FGF12: variants seen among roughly 807,000 people sequenced by gnomAD.
FGF12 encodes fibroblast growth factor 12.
In FGF12, 14 loss-of-function variants were observed where a neutral mutation model predicts 23.6. That is an observed-to-expected ratio of 0.59 (90% CI 0.39 to 0.93). FGF12 has a LOEUF of 0.93. FGF12 is among the 40% of genes least tolerant of loss of function. The probability of loss-of-function intolerance (pLI) is 0.00; values close to 1 mark genes in which losing one functional copy is unlikely to be tolerated. For missense variants in FGF12, 175 were observed against 217.8 expected, an observed-to-expected ratio of 0.80 and a Z score of 1.24; for synonymous variants, 62 against 77.3, an observed-to-expected ratio of 0.80 and a Z score of 1.04.
chr3:192,712,840 T>G (rs1042618313), intron 2 of FGF12, among the ~76,000 whole-genome samples: 1 of 151,796 alleles, frequency 6.6e-6, no homozygotes, highest in Non-Finnish European at 1.5e-5. Flanking sequence ...CTGCAAAAAT[T>G]TTCTAGGGTG....
intron 2 of FGF12, among the ~76,000 whole-genome samples, chr3:192,534,459 G>C (rs1337227540): frequency 6.6e-6 from 1 of 152,072 alleles, no homozygotes; most frequent in African/African-American, 2.4e-5. Flanking sequence ...ACAGTGGTAT[G>C]ATCTTGCCTC....
intron 2 of FGF12, among the ~76,000 whole-genome samples, chr3:192,420,046 A>G (rs1721473859): frequency 6.6e-6 from 1 of 152,200 alleles, no homozygotes. Context: ...AAAAGCTACT[A>G]GGTTGTTCGT....
intron 2 of FGF12, among the ~76,000 whole-genome samples, chr3:192,686,466 A>G (rs944203960): frequency 2.6e-5 from 4 of 152,172 alleles, no homozygotes; most frequent in East Asian, 3.9e-4. Flanking sequence ...GGCACCCACC[A>G]TTCTATCTCA....
chr3:192,397,882 A>G (rs1720590617), intron 2 of FGF12, among the ~76,000 whole-genome samples: 1 of 152,164 alleles, frequency 6.6e-6, no homozygotes, highest in Non-Finnish European at 1.5e-5. Flanking sequence ...GACACTGTGA[A>G]GGTGATCTGG....
rs1026088059 is a variant in FGF12 at position 192,527,200 on chromosome 3, A to C, written c.14-166662T>G. ...TAGCACACACTTGCCTTCTGCTATG[A>C]TATGACACAGCAAAAAGGCCCTCAC... On this transcript the variant is annotated intron_variant, in intron 2 of 5. Coordinates refer to ENST00000445105, the MANE Select transcript of FGF12 (RefSeq NM_004113.6). 6.6e-5 allele frequency among the ~76,000 whole-genome samples: 10 copies of C among 152,340 alleles called. No individual in the cohort carries two copies. The East Asian group carries it at 1.7e-3, about 26-fold the overall frequency.
At chr3:192,154,821 T>G (rs1001325444) in intron 5 of FGF12, among the ~76,000 whole-genome samples, 3 of 147,018 alleles carry the variant, frequency 2.0e-5, no homozygotes, top group Non-Finnish European at 4.5e-5. Flanking sequence ...GCAGGCCTCC[T>G]TGAGCTGTGG....
chr3:192,511,327 C>T (rs1724465515), intron 2 of FGF12, among the ~76,000 whole-genome samples: 1 of 152,082 alleles, frequency 6.6e-6, no homozygotes, highest in Non-Finnish European at 1.5e-5. Context: ...TGAGACTTAA[C>T]CCAGCTTTCT....
intron 4 of FGF12, among the ~76,000 whole-genome samples, chr3:192,332,238 CAGA>C (rs1717162783): frequency 6.6e-6 from 1 of 151,586 alleles, no homozygotes; most frequent in African/African-American, 2.4e-5. Context: ...GAAAGGAAGA[CAGA>C]AACACTAAAA....
At chr3:192,667,607 T>TA (rs59867848) in intron 2 of FGF12, among the ~76,000 whole-genome samples, 8,704 of 76,076 alleles carry the variant, frequency 0.11, 823 homozygotes, top group African/African-American at 0.14. Flanking sequence ...CGAGACTCCG[T>TA]AAAAAAAAAA....
intron 3 of FGF12, among the ~76,000 whole-genome samples, chr3:192,351,508 C>T (rs1342629959): frequency 6.6e-6 from 1 of 152,156 alleles, no homozygotes; most frequent in Non-Finnish European, 1.5e-5. Flanking sequence ...CCACAGGTAT[C>T]TCAAACTGAA....
chr3:192,401,431 G>A (rs1576951898), intron 2 of FGF12, among the ~76,000 whole-genome samples: 1 of 152,194 alleles, frequency 6.6e-6, no homozygotes, highest in Non-Finnish European at 1.5e-5. Context: ...CAAATAACTA[G>A]TGGTATTAGG....
chr3:192,233,380 C>T (rs996061863), intron 4 of FGF12, among the ~76,000 whole-genome samples: 9 of 151,988 alleles, frequency 5.9e-5, no homozygotes, highest in Non-Finnish European at 1.3e-4. Context: ...GTGTCCTTTG[C>T]CTATTTTTTA....
Position 192,357,138 on chromosome 3 carries a change from C to T in FGF12, c.124+3290G>A, listed in dbSNP as rs530075911. 5.9e-5 allele frequency among the ~76,000 whole-genome samples: 9 copies of T among 152,222 alleles called. No individual in the cohort carries two copies. In the South Asian group the frequency reaches 1.5e-3, roughly 25 times the overall value. The stretch of plus-strand genomic sequence containing the variant: ...GCTGGGTAAAAAGTATAAAGGAATT[C>T]ACTTTTATTACTTTGTAATTTTTCT... On this transcript the variant is annotated intron_variant, in intron 3 of 5. Coordinates refer to ENST00000445105, the MANE Select transcript of FGF12 (RefSeq NM_004113.6).
At chr3:192,429,191 C>T (rs1471721481) in intron 2 of FGF12, among the ~76,000 whole-genome samples, 1 of 152,132 alleles carries the variant, frequency 6.6e-6, no homozygotes, top group Non-Finnish European at 1.5e-5. Flanking sequence ...CTTACCTCTT[C>T]ACGAAGCTTA....
chr3:192,330,223 C>T (rs1717036566), intron 4 of FGF12, among the ~76,000 whole-genome samples: 1 of 152,048 alleles, frequency 6.6e-6, no homozygotes, highest in Non-Finnish European at 1.5e-5. Flanking sequence ...TAGAAAACTC[C>T]ATTCCAAAAT....
At chr3:192,220,267 G>C (rs954679058) in intron 4 of FGF12, among the ~76,000 whole-genome samples, 1 of 152,048 alleles carries the variant, frequency 6.6e-6, no homozygotes, top group Non-Finnish European at 1.5e-5. Context: ...TAGCATCAAA[G>C]ACCCTCCATG....
chr3:192,411,448 G>A (rs901732436), intron 2 of FGF12, among the ~76,000 whole-genome samples: 2 of 152,144 alleles, frequency 1.3e-5, no homozygotes, highest in African/African-American at 2.4e-5. Context: ...TGAAGACAGT[G>A]GATATATCCT....
intron 5 of FGF12, among the ~76,000 whole-genome samples, chr3:192,156,633 G>A (rs1055081902): frequency 6.7e-6 from 1 of 149,308 alleles, no homozygotes; most frequent in Non-Finnish European, 1.5e-5. Flanking sequence ...GGCTTTTCTG[G>A]GTTGTCCTTG....
intron 2 of FGF12, among the ~76,000 whole-genome samples, chr3:192,424,428 A>G (rs1721629169): frequency 6.6e-6 from 1 of 152,162 alleles, no homozygotes; most frequent in African/African-American, 2.4e-5. Context: ...TTGCCTCAGG[A>G]TCTTCTCCAC....
Sources: gnomAD v4.1 joint callset for allele counts (sites outside exome capture counted in the v4.1 genomes callset) on GRCh38, gnomAD v4.1.1 for gene constraint, MANE v1.5 for transcripts, NCBI Gene and HGNC (gene_info 2026-07-23, HGNC 2026-07-21) for gene names.